The following GABRA2 variants were observed in gnomAD, a reference collection of about 807,000 sequenced individuals.
GABRA2 encodes gamma-aminobutyric acid receptor subunit alpha-2.
GABRA2 carries 16 observed loss-of-function variants against 48.7 expected under a neutral mutation model. The observed-to-expected ratio is 0.33, with a 90% confidence interval of 0.22 to 0.50. GABRA2 has a LOEUF of 0.50. Ranked by LOEUF, GABRA2 falls within the 20% of genes least tolerant of loss-of-function variation. The pLI is 0.98. For missense variants in GABRA2, 275 were observed against 535.6 expected (o/e 0.51, Z 4.80); for synonymous variants, 185 against 184.5 (o/e 1.00, Z -0.02).
At chr4:46,362,250 T>C (rs1419242027) in intron 3 of GABRA2, among the ~76,000 whole-genome samples, 1 of 152,174 alleles carries the variant, frequency 6.6e-6, no homozygotes, top group Admixed American at 6.5e-5. Flanking sequence ...GTTCTCATAA[T>C]AGTGAATAAG....
chr4:46,325,507 T>C (rs371924185), intron 4 of GABRA2, among the ~76,000 whole-genome samples: 1 of 152,068 alleles, frequency 6.6e-6, no homozygotes, highest in Admixed American at 6.6e-5. Context: ...CAAAAATAAT[T>C]TCTCCTATTC....
chr4:46,311,550 C>A (rs1261157768), intron 5 of GABRA2, among the ~76,000 whole-genome samples: 1 of 151,988 alleles, frequency 6.6e-6, no homozygotes, highest in Non-Finnish European at 1.5e-5. Flanking sequence ...AAAATTAATT[C>A]ATGAATATGC....
chr4:46,294,878 A>C (rs927410398), intron 8 of GABRA2, among the ~76,000 whole-genome samples: 1 of 152,156 alleles, frequency 6.6e-6, no homozygotes, highest in African/African-American at 2.4e-5. Context: ...ATCTAACCAT[A>C]AACTGGGTCA....
chr4:46,318,902 T>C (rs1337466790), intron 4 of GABRA2, among the ~76,000 whole-genome samples: 1 of 151,638 alleles, frequency 6.6e-6, no homozygotes, highest in African/African-American at 2.4e-5. Flanking sequence ...CTCCAAGATT[T>C]CAAAAATTCC....
At position 46,332,616 on chromosome 4, in the gene GABRA2, A is replaced by G; in HGVS notation, c.254T>C (p.Met85Thr). The change falls in exon 4 of 10, where the codon ATG becomes ACG. Residue 85 changes from methionine (M) to threonine (T), a missense_variant and splice_region_variant. Transcript: ENST00000381620. ...AATACTATTTAATGAAAAACTCACC[A>G]TATCTGTATCTGAGACAGGGCCAAA... Reference protein sequence around the residue: ...TSFGPVSDTDMEYTIDVFFRQ... With the variant: ...TSFGPVSDTDTEYTIDVFFRQ... 6.3e-7 allele frequency: 1 copy of G among 1,574,836 alleles called. No individual in the cohort carries two copies.
intron 3 of GABRA2, among the ~76,000 whole-genome samples, chr4:46,337,448 G>C (rs920767901): frequency 6.6e-6 from 1 of 152,028 alleles, no homozygotes; most frequent in Non-Finnish European, 1.5e-5. Context: ...TATCAAAACA[G>C]ACCTGATATG....
At chr4:46,339,838 CA>C (rs994809561) in intron 3 of GABRA2, among the ~76,000 whole-genome samples, 12 of 151,670 alleles carry the variant, frequency 7.9e-5, no homozygotes, top group African/African-American at 2.9e-4. Context: ...TTCATGTAGT[CA>C]AGGACTTCTG....
chr4:46,351,992 TCC>T (rs1297762273), intron 3 of GABRA2, among the ~76,000 whole-genome samples: 5 of 86,532 alleles, frequency 5.8e-5, no homozygotes, highest in Admixed American at 3.1e-4. Flanking sequence ...TTTTTACCTG[TCC>T]ACTTACTTGT....
chr4:46,302,059 C>T (rs995047245), intron 8 of GABRA2, among the ~76,000 whole-genome samples: 3 of 151,102 alleles, frequency 2.0e-5, no homozygotes, highest in Admixed American at 2.0e-4. Flanking sequence ...ATATACCACT[C>T]CTTTTCATTT....
chr4:46,335,430 T>C (rs1386901956), intron 3 of GABRA2, among the ~76,000 whole-genome samples: 1 of 152,068 alleles, frequency 6.6e-6, no homozygotes, highest in African/African-American at 2.4e-5. Flanking sequence ...TCTCTGTGCA[T>C]TTTAGGTACC....
intron 3 of GABRA2, among the ~76,000 whole-genome samples, chr4:46,385,392 C>T (rs745975322): frequency 2.6e-5 from 4 of 151,448 alleles, no homozygotes; most frequent in African/African-American, 4.8e-5. Flanking sequence ...TTTCCCTTTT[C>T]GAATAAAAAT....
At chr4:46,289,386 A>C (rs777051420) in intron 8 of GABRA2, among the ~76,000 whole-genome samples, 13 of 152,210 alleles carry the variant, frequency 8.5e-5, no homozygotes, top group Non-Finnish European at 1.3e-4. Context: ...GAATGAGATC[A>C]CGTCCTTTGC....
At chr4:46,318,266 A>G (rs1728879974) in intron 4 of GABRA2, among the ~76,000 whole-genome samples, 1 of 151,308 alleles carries the variant, frequency 6.6e-6, no homozygotes, top group South Asian at 2.1e-4. Context: ...TAAAATAAAT[A>G]TTTATTTTTA....
Position 46,246,760 on chromosome 4 carries a change from T to C in GABRA2, c.*3548A>G, listed in dbSNP as rs1192731366. 6.6e-6 allele frequency among the ~76,000 whole-genome samples: 1 copy of C among 151,280 alleles called. No individual in the cohort carries two copies. Among genetic ancestry groups the C allele is most frequent in the East Asian group, 1.9e-4 (1 of 5,134 alleles). ...TATTTCCAAGTAAATAATAAATATG[T>C]CTGTGTTTCACAGACATGTGTCTGA... On this transcript the variant is annotated 3_prime_UTR_variant, in exon 10 of 10. Coordinates refer to ENST00000381620, the MANE Select transcript of GABRA2 (RefSeq NM_000807.4).
intron 3 of GABRA2, among the ~76,000 whole-genome samples, chr4:46,358,780 T>C (rs969313549): frequency 6.6e-6 from 1 of 152,182 alleles, no homozygotes; most frequent in Non-Finnish European, 1.5e-5. Context: ...AGAGAGTCCT[T>C]TTATCTACAT....
chr4:46,259,634 A>C (rs1716552976), intron 9 of GABRA2, among the ~76,000 whole-genome samples: 1 of 151,852 alleles, frequency 6.6e-6, no homozygotes, highest in Non-Finnish European at 1.5e-5. Context: ...GCAAATTGAT[A>C]ATTGGTATTT....
At chr4:46,254,147 G>T (rs572787058) in intron 9 of GABRA2, among the ~76,000 whole-genome samples, 4 of 151,334 alleles carry the variant, frequency 2.6e-5, no homozygotes, top group Non-Finnish European at 5.9e-5. Context: ...GTATTACATG[G>T]CCCTATTCAC....
intron 9 of GABRA2, among the ~76,000 whole-genome samples, chr4:46,256,525 CT>C (rs1371863557): frequency 6.6e-6 from 1 of 151,170 alleles, no homozygotes; most frequent in African/African-American, 2.4e-5. Context: ...AAGTTTTTCT[CT>C]GAGAAAACTT....
intron 7 of GABRA2, among the ~76,000 whole-genome samples, chr4:46,304,711 C>T (rs991881570): frequency 7.2e-5 from 11 of 151,810 alleles, no homozygotes; most frequent in African/African-American, 1.4e-4. Flanking sequence ...AGGCTGATCA[C>T]GAGGTCAGGA....
Sources: allele counts gnomAD v4.1 joint callset (sites outside exome capture counted in the v4.1 genomes callset), GRCh38; gene constraint gnomAD v4.1.1; transcripts MANE v1.5; gene names NCBI Gene and HGNC (gene_info 2026-07-23, HGNC 2026-07-21).